KNTC1: variants seen among roughly 807,000 people sequenced by gnomAD.
KNTC1 encodes the protein kinetochore associated 1.
In KNTC1, 253 loss-of-function variants were observed where a neutral mutation model predicts 314.4. The ratio of observed to expected loss-of-function variants is 0.80; its 90% CI spans 0.73 to 0.89. The LOEUF (loss-of-function observed/expected upper bound fraction) is 0.89. Ranked by LOEUF, KNTC1 falls within the 40% of genes least tolerant of loss-of-function variation. The pLI is 0.00. For synonymous variants in KNTC1, 901 were observed against 901.4 expected, an observed-to-expected ratio of 1.00 and a Z score of 0.01; for missense variants, 2,475 against 2,572.9, an observed-to-expected ratio of 0.96 and a Z score of 0.82.
rs776454941 is a variant in KNTC1, at chr12:122,569,705, G to A, written c.1741G>A (p.Val581Met). ...GGCAAACTTTGAAAGCAGATTTGAT[G>A]TGAAAATGCTGGAGAGCTTGCTCAA... Reference protein sequence around the residue: ...HRANFESRFDVKMLESLLNSM... With the variant: ...HRANFESRFDMKMLESLLNSM... Residue 581 changes from valine to methionine, a missense_variant, in exon 22 of 64, where the codon GTG (valine) becomes ATG (methionine). Coordinates refer to ENST00000333479, the MANE Select transcript of KNTC1 (RefSeq NM_014708.6). 6.2e-7 allele frequency: 1 copy of A among 1,612,602 alleles called. No homozygotes were observed. The highest frequency in any genetic ancestry group is 2.2e-5 in the East Asian group (1 of 44,838).
chr12:122,614,940 G>C, intron 55 of KNTC1, 51 bp from the exon 56 acceptor site: 1 of 1,319,224 alleles, frequency 7.6e-7, no homozygotes, highest in Non-Finnish European at 1.1e-6. Flanking sequence ...AAGATGGCTT[G>C]ATTTACTGGT....
chr12:122,601,691 CATT>C, intron 45 of KNTC1, 66 bp downstream of exon 45: 1 of 1,362,114 alleles, frequency 7.3e-7, no homozygotes, highest in Non-Finnish European at 9.6e-7. Flanking sequence ...TAAATCATAT[CATT>C]ATCCAGGGCC....
At position 122,583,001 on chromosome 12, in the gene KNTC1, C is replaced by T. The variant is rs1868647878; in HGVS notation, c.3263+16C>T. On this transcript the variant is annotated intron_variant, in intron 34 of 63. Transcript: ENST00000333479. The stretch of plus-strand genomic sequence containing the variant: ...AAAAATGCAGGTGACATTCCAGATC[C>T]CTGAATTGCATAGCTTCTCTGAAAT... The T allele has an allele frequency of 6.3e-7, 1 of 1,590,622 alleles. No homozygotes were observed. Among genetic ancestry groups the T allele is most frequent in the Admixed American group, 1.7e-5 (1 of 57,224 alleles).
intron 42 of KNTC1, chr12:122,593,510 A>T (rs1381766550): frequency 6.6e-6 from 1 of 152,110 alleles, no homozygotes; most frequent in Non-Finnish European, 1.5e-5. Flanking sequence ...TGATCCGCCC[A>T]CGTCGGCCTC....
chr12:122,541,131 C>A (rs1962275310), intron 5 of KNTC1, among the ~76,000 whole-genome samples: 1 of 151,882 alleles, frequency 6.6e-6, no homozygotes, highest in Admixed American at 6.6e-5. Flanking sequence ...CAGTGTCTGG[C>A]CTGCGAGTGC....
rs764583850 is a variant in KNTC1 at position 122,547,490 on chromosome 12, C to T, written c.892C>T (p.Leu298Phe). The T allele has an allele frequency of 6.2e-7, 1 of 1,612,196 alleles. No individual in the cohort carries two copies. Among genetic ancestry groups the T allele is most frequent in the South Asian group, 1.1e-5 (1 of 90,892 alleles). The part of the protein sequence containing the change: ...NWPSLHVEEF[L>F]LTTEADSPSS... ...GCCCTCTCTTCACGTAGAAGAGTTT[C>T]TTCTTACTACAGAAGCAGACTCTCC... Residue 298 changes from leucine to phenylalanine, a missense_variant, in exon 11 of 64, where the codon CTT (leucine) becomes TTT (phenylalanine). Coordinates refer to ENST00000333479, the MANE Select transcript of KNTC1 (RefSeq NM_014708.6).
chr12:122,547,616 T>C, intron 11 of KNTC1, 86 bp downstream of exon 11: 1 of 884,260 alleles, frequency 1.1e-6, no homozygotes, highest in Non-Finnish European at 1.8e-6. Context: ...TTTATTATGT[T>C]TTACATTCTA....
intron 12 of KNTC1, among the ~76,000 whole-genome samples, chr12:122,548,520 T>A (rs1962956623): frequency 6.6e-6 from 1 of 152,022 alleles, no homozygotes; most frequent in Non-Finnish European, 1.5e-5. Flanking sequence ...CAGGAAAGTG[T>A]TTATTAGAGT....
At chr12:122,566,835 C>T (rs1964381136) in intron 20 of KNTC1, among the ~76,000 whole-genome samples, 1 of 136,184 alleles carries the variant, frequency 7.3e-6, no homozygotes, top group African/African-American at 2.8e-5. Flanking sequence ...GATCTCAGCT[C>T]ACTGCAGCTT....
At chr12:122,596,592 A>G (rs1049457366) in intron 43 of KNTC1, among the ~76,000 whole-genome samples, 18 of 151,758 alleles carry the variant, frequency 1.2e-4, no homozygotes, top group Non-Finnish European at 2.2e-4. Context: ...TATAATCCCA[A>G]CACTTTGAGG....
intron 53 of KNTC1, 176 bp from the exon 54 acceptor site, chr12:122,612,936 A>G (rs1433654721): frequency 1.8e-6 from 1 of 569,410 alleles, no homozygotes; most frequent in Non-Finnish European, 3.1e-6. Context: ...ATGCCCCTTC[A>G]GGGGTCCATG....
rs1963063722 is a variant in KNTC1 at position 122,549,826 on chromosome 12, T to C, written c.1048T>C (p.Ser350Pro). The C allele has an allele frequency of 6.4e-7, 1 of 1,573,226 alleles. No individual in the cohort carries two copies. ...GGAAATACTATATTCTTTGGAAGTA[T>C]CTAGTGTTTCTTCTCTGGTCCAAAC... is the stretch of plus-strand genomic sequence containing the variant. Reference protein sequence around the residue: ...TMEILYSLEVSSVSSLVQTGI... With the variant: ...TMEILYSLEVPSVSSLVQTGI... Residue 350 changes from serine (S) to proline (P), a missense_variant, in exon 13 of 64, where the codon TCT becomes CCT. Ser to Pro is a moderately conservative substitution (Grantham distance 74). Transcript: ENST00000333479.
In KNTC1 at chr12:122,604,638, G is replaced by T. The variant is rs542479035; in HGVS notation, c.5175+1G>T. 1 of 1,587,974 alleles carries T rather than the reference G, an allele frequency of 6.3e-7. No individual in the cohort carries two copies. The highest frequency in any genetic ancestry group is 8.6e-7 in the Non-Finnish European group (1 of 1,157,054). On this transcript the variant is annotated splice_donor_variant, in intron 49 of 63. Transcript: ENST00000333479. LOFTEE classifies it high-confidence loss of function. The stretch of plus-strand genomic sequence containing the variant: ...ATGGCTACAGAATATCCCATCGCAG[G>T]TGTGTCTGAACTATCAGATTGGCGG...
intron 48 of KNTC1, among the ~76,000 whole-genome samples, chr12:122,604,087 A>G (rs868522985): frequency 6.6e-6 from 1 of 151,396 alleles, no homozygotes; most frequent in Non-Finnish European, 1.5e-5. Flanking sequence ...ACACAGACTG[A>G]CACACACACA....
At chr12:122,532,057 A>G (rs1261733931) in intron 2 of KNTC1, among the ~76,000 whole-genome samples, 6 of 118,470 alleles carry the variant, frequency 5.1e-5, no homozygotes, top group African/African-American at 2.0e-4. Flanking sequence ...TTTTTAAGAG[A>G]GACTCTCACT....
chr12:122,576,176 C>T (rs1965005693), intron 29 of KNTC1, among the ~76,000 whole-genome samples: 1 of 152,144 alleles, frequency 6.6e-6, no homozygotes, highest in Non-Finnish European at 1.5e-5. Context: ...TTTCCTGCCT[C>T]AGCCTCCTGA....
At chr12:122,599,005 T>TA (rs546566725) in intron 44 of KNTC1, among the ~76,000 whole-genome samples, 5 of 150,954 alleles carry the variant, frequency 3.3e-5, no homozygotes, top group African/African-American at 4.9e-5. Flanking sequence ...TTTTTTAAAT[T>TA]AAAAAAAAAA....
At chr12:122,624,505 C>G (rs1874796576) in intron 62 of KNTC1, 93 bp from the exon 63 acceptor site, 2 of 764,822 alleles carry the variant, frequency 2.6e-6, no homozygotes, top group Non-Finnish European at 4.3e-6. Context: ...TGGACCCAAG[C>G]CATCTGTACA....
chr12:122,549,691 T>C (rs1963055409), intron 12 of KNTC1, 75 bp from the exon 13 acceptor site: 1 of 767,142 alleles, frequency 1.3e-6, no homozygotes, highest in Admixed American at 2.1e-5. Context: ...AATCTGCTCT[T>C]AATTGTGAAG....
Sources: allele counts gnomAD v4.1 joint callset (sites outside exome capture counted in the v4.1 genomes callset), GRCh38; gene constraint gnomAD v4.1.1; transcripts MANE v1.5; gene names NCBI Gene and HGNC (gene_info 2026-07-23, HGNC 2026-07-21).